CSMD2: variants seen among roughly 807,000 people sequenced by gnomAD.
CSMD2 encodes the protein CUB and Sushi multiple domains 2.
CSMD2 carries 130 observed loss-of-function variants against 398.5 expected under a neutral mutation model. The observed-to-expected ratio is 0.33, with a 90% CI of 0.28 to 0.38. The LOEUF (loss-of-function observed/expected upper bound fraction) is 0.38. CSMD2 is among the 10% of genes least tolerant of loss of function. The pLI, the probability that CSMD2 is intolerant of heterozygous loss-of-function variation, is 1.00. For missense variants in CSMD2, 3,829 were observed against 4,764.9 expected (o/e 0.80, Z 5.78); for synonymous variants, 1,828 against 1,908.5 (o/e 0.96, Z 1.10).
Position 33,633,507 on chromosome 1 carries a change from G to A in CSMD2, c.5115C>T (p.His1705=). 1 of 1,553,074 alleles carries A rather than the reference G, an allele frequency of 6.4e-7. No homozygotes were observed. Among genetic ancestry groups the A allele is most frequent in the Non-Finnish European group, 8.7e-7 (1 of 1,147,658 alleles). ...YVVFGQFAFF[H]TALNDVVEVH... The stretch of plus-strand genomic sequence containing the variant: ...CCTCCACCACGTCGTTGAGGGCCGT[G>A]TGAAAGAAGGCGAACTGGCCAAACA... The change falls in exon 32 of 71, where the codon CAC becomes CAT. Residue 1705 remains histidine, a synonymous_variant. Coordinates refer to ENST00000373381, the MANE Select transcript of CSMD2 (RefSeq NM_001281956.2). The surrounding 1 kb of genome is among the most constrained non-coding windows in gnomAD (Gnocchi z 5.0).
chr1:33,561,515 T>C (rs535612408), intron 53 of CSMD2, among the ~76,000 whole-genome samples: 1 of 152,372 alleles, frequency 6.6e-6, no homozygotes, highest in South Asian at 2.1e-4. Context: ...GTGCCTTTTA[T>C]GAGCTAGGTA....
chr1:33,530,834 G>A, intron 64 of CSMD2, among the ~76,000 whole-genome samples: 1 of 152,158 alleles, frequency 6.6e-6, no homozygotes, highest in Non-Finnish European at 1.5e-5. Context: ...AGTGAAATAA[G>A]CCAGGTACGG....
chr1:33,982,129 AG>A (rs1411678854), intron 3 of CSMD2, among the ~76,000 whole-genome samples: 2 of 152,142 alleles, frequency 1.3e-5, no homozygotes, highest in Non-Finnish European at 2.9e-5. Context: ...GACAGATGTC[AG>A]AAACATTCAG....
At chr1:33,698,104 A>T (rs1183623327) in intron 24 of CSMD2, among the ~76,000 whole-genome samples, 1 of 152,216 alleles carries the variant, frequency 6.6e-6, no homozygotes, top group African/African-American at 2.4e-5. Context: ...AAGGCCAAAC[A>T]GAACAACCAA....
At chr1:33,964,931 T>C (rs930305309) in intron 3 of CSMD2, among the ~76,000 whole-genome samples, 1 of 152,220 alleles carries the variant, frequency 6.6e-6, no homozygotes, top group Admixed American at 6.5e-5. Flanking sequence ...AGCAAGACTA[T>C]AGAGGATCAG....
intron 22 of CSMD2, among the ~76,000 whole-genome samples, chr1:33,705,934 T>TA (rs113435498): frequency 1.9e-3 from 275 of 145,216 alleles, no homozygotes; most frequent in South Asian, 7.0e-3. Context: ...CTTTATTATT[T>TA]AAAAAAAAAA....
chr1:33,656,899 A>G (rs1353636419), intron 27 of CSMD2, among the ~76,000 whole-genome samples: 1 of 152,230 alleles, frequency 6.6e-6, no homozygotes, highest in Non-Finnish European at 1.5e-5. Context: ...CTCAGTGACC[A>G]TGGGTTCTCT....
chr1:33,818,966 T>G (rs1657784531), intron 9 of CSMD2, among the ~76,000 whole-genome samples: 1 of 152,206 alleles, frequency 6.6e-6, no homozygotes, highest in Admixed American at 6.5e-5. Context: ...TATCTTCTCC[T>G]CTAAAGGGGC....
chr1:34,150,885 A>G (rs977664156), intron 1 of CSMD2, among the ~76,000 whole-genome samples: 1 of 152,042 alleles, frequency 6.6e-6, no homozygotes, highest in African/African-American at 2.4e-5. Context: ...ATACCACTGC[A>G]CTCCAGCCTG....
intron 3 of CSMD2, among the ~76,000 whole-genome samples, chr1:34,006,824 G>T (rs1647072191): frequency 6.6e-6 from 1 of 152,022 alleles, no homozygotes; most frequent in African/African-American, 2.4e-5. Flanking sequence ...CTACCCCAAG[G>T]TTCCCCAGGT....
At chr1:34,006,956 TA>T (rs1647077410) in intron 3 of CSMD2, among the ~76,000 whole-genome samples, 1 of 151,946 alleles carries the variant, frequency 6.6e-6, no homozygotes, top group African/African-American at 2.4e-5. Context: ...CATCTAGCCA[TA>T]AAAAATGTTC....
chr1:33,628,458 C>T (rs2148894249), intron 32 of CSMD2, among the ~76,000 whole-genome samples: 1 of 152,166 alleles, frequency 6.6e-6, no homozygotes, highest in East Asian at 1.9e-4. Context: ...CACCTGAGGT[C>T]AGGAGTTTGT....
At chr1:33,673,962 A>G (rs1238000862) in intron 25 of CSMD2, among the ~76,000 whole-genome samples, 8 of 152,242 alleles carry the variant, frequency 5.3e-5, no homozygotes, top group South Asian at 2.1e-4. Flanking sequence ...TGAAGGAAGC[A>G]CTAAACATGG....
At chr1:34,146,516 C>T (rs1443750341) in intron 1 of CSMD2, among the ~76,000 whole-genome samples, 2 of 152,202 alleles carry the variant, frequency 1.3e-5, no homozygotes, top group African/African-American at 4.8e-5. Context: ...GAAGCTAGGA[C>T]AGATGTGGGA....
At chr1:33,880,390 G>T (rs1342375661) in intron 5 of CSMD2, among the ~76,000 whole-genome samples, 1 of 152,160 alleles carries the variant, frequency 6.6e-6, no homozygotes, top group Non-Finnish European at 1.5e-5. Flanking sequence ...CTTTCTATCT[G>T]AATGGATACA....
chr1:34,093,263 G>A (rs12239230), intron 1 of CSMD2, among the ~76,000 whole-genome samples: 3,765 of 152,086 alleles, frequency 0.025, 127 homozygotes, highest in Admixed American at 0.087. Flanking sequence ...TCTGTACATC[G>A]CCATCATCAA....
At chr1:34,093,149 C>A (rs1010888545) in intron 1 of CSMD2, among the ~76,000 whole-genome samples, 1 of 152,088 alleles carries the variant, frequency 6.6e-6, no homozygotes, top group Non-Finnish European at 1.5e-5. Flanking sequence ...CAGGGGCACA[C>A]TGACACCTCA....
intron 1 of CSMD2, among the ~76,000 whole-genome samples, chr1:34,149,799 A>G (rs1431811935): frequency 6.6e-6 from 1 of 152,174 alleles, no homozygotes; most frequent in Non-Finnish European, 1.5e-5. Flanking sequence ...TCCTTATGGC[A>G]CCAGCACCAG....
At position 33,537,243 on chromosome 1, in the gene CSMD2, G is replaced by A. The variant is rs1026528664; in HGVS notation, c.9806-148C>T. The A allele has an allele frequency of 1.3e-5, 14 of 1,114,712 alleles. No homozygotes were observed. The highest frequency in any genetic ancestry group is 5.7e-5 in the South Asian group (4 of 69,852). 69.1% of individuals were successfully genotyped at this position (1,114,712 alleles called of 1,614,324 possible). A position where few individuals can be genotyped will look rare whatever the true frequency, so the allele number is the denominator to read the frequency against. On this transcript the variant is annotated intron_variant, in intron 61 of 70. Transcript: ENST00000373381. This position sits in a 1 kb window ranked among gnomAD's most constrained non-coding sequence, Gnocchi z 4.6. ...GATCCCCACCTGAGCCTTGGCCCTG[G>A]CTGTCTATTTGACTCCTCGAAGCAC...
Sources: gnomAD v4.1 joint callset for allele counts (sites outside exome capture counted in the v4.1 genomes callset) on GRCh38, gnomAD v4.1.1 for gene constraint, Gnocchi (gnomAD v3.1) non-coding constraint, MANE v1.5 for transcripts, NCBI Gene and HGNC (gene_info 2026-07-23, HGNC 2026-07-21) for gene names.